Variants in ADCY10 observed in about 807,000 individuals in gnomAD.
ADCY10 encodes the protein adenylate cyclase type 10.
In ADCY10, 156 loss-of-function variants were observed where a neutral mutation model predicts 183.3. That is an observed-to-expected ratio of 0.85 (90% CI 0.75 to 0.97). The LOEUF is 0.97. Ranked by LOEUF, ADCY10 falls within the 50% of genes least tolerant of loss-of-function variation. The pLI is 0.00. For missense variants in ADCY10, 1,745 were observed against 1,934.3 expected (o/e 0.90, Z 1.84); for synonymous variants, 645 against 670.0 (o/e 0.96, Z 0.58).
At chr1:167,913,148 G>A (rs203782) in intron 1 of ADCY10, among the ~76,000 whole-genome samples, 67,214 of 151,912 alleles carry the variant, frequency 0.44, 16,797 homozygotes, top group African/African-American at 0.67. Flanking sequence ...CTGACAAAGC[G>A]CGGAAGCACC....
At chr1:167,878,695 A>T in intron 11 of ADCY10, 60 bp from the exon 12 acceptor site, 1 of 1,521,514 alleles carries the variant, frequency 6.6e-7, no homozygotes, top group Non-Finnish European at 9.1e-7. Flanking sequence ...ACTGAATGTA[A>T]TCTGAAACAT....
chr1:167,868,011 T>C (rs1432262084), intron 14 of ADCY10, among the ~76,000 whole-genome samples: 1 of 152,214 alleles, frequency 6.6e-6, no homozygotes, highest in East Asian at 1.9e-4. Flanking sequence ...AAAAAAGAAG[T>C]ACACGTATCT....
At chr1:167,818,315 A>C (rs1662656575) in intron 30 of ADCY10, 48 bp from the exon 31 acceptor site, 1 of 1,542,100 alleles carries the variant, frequency 6.5e-7, no homozygotes, top group Admixed American at 1.7e-5. Flanking sequence ...CCCATTAGGA[A>C]TAGGCTGGCT....
intron 1 of ADCY10, 83 bp from the exon 2 acceptor site, chr1:167,905,281 T>A: frequency 9.2e-7 from 1 of 1,081,600 alleles, no homozygotes; most frequent in Non-Finnish European, 1.4e-6. Context: ...TGTTTTGTTC[T>A]AACCTGCGGC....
At chr1:167,904,903 C>G in intron 2 of ADCY10, 90 bp downstream of exon 2, 1 of 1,574,342 alleles carries the variant, frequency 6.4e-7, no homozygotes, top group Non-Finnish European at 8.7e-7. Context: ...TCCAGAATGG[C>G]CTCCCTACTC....
intron 31 of ADCY10, among the ~76,000 whole-genome samples, chr1:167,815,521 T>G (rs561573078): frequency 6.6e-6 from 1 of 152,310 alleles, no homozygotes; most frequent in East Asian, 1.9e-4. Context: ...ACTAAAAGAC[T>G]GAGACCTAAT....
chr1:167,848,414 T>A lies in ADCY10; in HGVS notation c.2384A>T (p.His795Leu). The A allele has an allele frequency of 6.2e-7, 1 of 1,614,030 alleles. No homozygotes were observed. Among genetic ancestry groups the A allele is most frequent in the South Asian group, 1.1e-5 (1 of 91,074 alleles). The change falls in exon 19 of 33, where the codon CAC (histidine) becomes CTC (leucine). Residue 795 changes from histidine (H) to leucine (L), a missense_variant. His to Leu is a moderately conservative substitution (Grantham distance 99). Transcript: ENST00000367851. ...HSDKESEEVC[H>L]LTSGVRLKNL... is the part of the protein sequence containing the mutation. ...TTTCAGTCTGACACCACTTGTGAGG[T>A]GACAGACTTCTTCACTTTCCTTATC... is the stretch of plus-strand genomic sequence containing the variant.
chr1:167,877,908 G>A (rs1169860477), intron 12 of ADCY10, among the ~76,000 whole-genome samples: 1 of 152,174 alleles, frequency 6.6e-6, no homozygotes, highest in African/African-American at 2.4e-5. Context: ...AGGTTGGAAA[G>A]GCAGGTGGTA....
chr1:167,896,428 T>C (rs1347441751), intron 7 of ADCY10, among the ~76,000 whole-genome samples, 167 bp downstream of exon 7: 1 of 152,010 alleles, frequency 6.6e-6, no homozygotes, highest in African/African-American at 2.4e-5. Flanking sequence ...GTGTCATACT[T>C]AGAATTGCTG....
At chr1:167,896,743 C>A in intron 6 of ADCY10, 52 bp from the exon 7 acceptor site, 1 of 1,261,324 alleles carries the variant, frequency 7.9e-7, no homozygotes, top group South Asian at 1.2e-5. Context: ...CTGTTTAATC[C>A]TTTGAAGTGT....
At chr1:167,906,962 C>A (rs1182626683) in intron 1 of ADCY10, among the ~76,000 whole-genome samples, 1 of 152,094 alleles carries the variant, frequency 6.6e-6, no homozygotes, top group Non-Finnish European at 1.5e-5. Flanking sequence ...TATGGTGTAC[C>A]ATACACCTTT....
intron 1 of ADCY10, among the ~76,000 whole-genome samples, chr1:167,911,478 T>C (rs1350291044): frequency 1.3e-5 from 2 of 152,256 alleles, no homozygotes; most frequent in East Asian, 1.9e-4. Flanking sequence ...ATTTTTACTT[T>C]TCTCAGCATT....
chr1:167,822,195 T>C, intron 29 of ADCY10, 54 bp from the exon 30 acceptor site: 1 of 1,134,864 alleles, frequency 8.8e-7, no homozygotes, highest in Non-Finnish European at 1.3e-6. Context: ...TGATCATCTT[T>C]CTAGCCTAGT....
intron 6 of ADCY10, among the ~76,000 whole-genome samples, chr1:167,898,871 C>T (rs1669196679): frequency 6.6e-6 from 1 of 152,114 alleles, no homozygotes; most frequent in African/African-American, 2.4e-5. Flanking sequence ...CCTCAAAGCA[C>T]AGCTTTTTTA....
chr1:167,901,547 G>T, intron 5 of ADCY10, 115 bp downstream of exon 5: 2 of 1,061,380 alleles, frequency 1.9e-6, no homozygotes, highest in Non-Finnish European at 2.9e-6. Context: ...AAAGTTCAGG[G>T]CATCATGGGG....
intron 8 of ADCY10, among the ~76,000 whole-genome samples, chr1:167,887,713 A>G (rs1316949852): frequency 6.6e-6 from 1 of 151,664 alleles, no homozygotes; most frequent in Admixed American, 6.6e-5. Flanking sequence ...AAATAAATAA[A>G]TATAAAAATA....
rs370750835 is a variant in ADCY10 at position 167,891,047 on chromosome 1, C to T, written c.828+2806G>A. ...CGCAATCTCGGCTCACTGCAACCTC[C>T]GCCTCCTGGGTTCAAGCGATTCTCC... On this transcript the variant is annotated intron_variant, in intron 8 of 32. Transcript: ENST00000367851. Among the ~76,000 whole-genome samples, 12 of 152,116 alleles carry T rather than the reference C, an allele frequency of 7.9e-5. No individual in the cohort carries two copies. In the East Asian group the frequency reaches 1.4e-3, roughly 17 times the overall value.
intron 14 of ADCY10, among the ~76,000 whole-genome samples, chr1:167,866,801 G>A (rs1032559762): frequency 1.3e-5 from 2 of 151,248 alleles, no homozygotes; most frequent in Non-Finnish European, 2.9e-5. Context: ...AATGGCAGTT[G>A]GAGTTTTAAC....
chr1:167,868,357 A>G (rs575913154), intron 14 of ADCY10, among the ~76,000 whole-genome samples: 13 of 152,330 alleles, frequency 8.5e-5, no homozygotes, highest in Admixed American at 8.5e-4. Context: ...AAAAGTCTCA[A>G]TTATTAGACA....
Sources: gnomAD v4.1 joint callset for allele counts (sites outside exome capture counted in the v4.1 genomes callset) on GRCh38, gnomAD v4.1.1 for gene constraint, MANE v1.5 for transcripts, NCBI Gene and HGNC (gene_info 2026-07-23, HGNC 2026-07-21) for gene names.